The following PRAMEF15 variants were observed in gnomAD, a reference collection of about 807,000 sequenced individuals.
The protein encoded by PRAMEF15 is PRAME family member 15, also known as PRAME family member 9/15.
PRAMEF15 carries 21 observed loss-of-function variants against 35.3 expected under a neutral mutation model. The observed-to-expected ratio is 0.59, with a 90% CI of 0.42 to 0.86. The LOEUF (loss-of-function observed/expected upper bound fraction) is 0.86, where lower values mean the gene tolerates loss of function less well. Among genes scored for constraint, PRAMEF15 ranks in the 40% least tolerant of loss-of-function variants. The pLI, the probability that PRAMEF15 is intolerant of heterozygous loss-of-function variation, is 0.00. For synonymous variants in PRAMEF15, 122 were observed against 223.3 expected (o/e 0.55, Z 4.05); for missense variants, 360 against 574.1 (o/e 0.63, Z 3.81).
intron 1 of PRAMEF15, among the ~76,000 whole-genome samples, chr1:13,317,411 A>C (rs1640019911): frequency 6.6e-6 from 1 of 151,840 alleles, no homozygotes; most frequent in Non-Finnish European, 1.5e-5. Context: ...AGTGCATTGG[A>C]AACATCTATC....
chr1:13,322,179 A>G lies in PRAMEF15; in HGVS notation c.1352A>G (p.Lys451Arg). The G allele has an allele frequency of 6.2e-7, 1 of 1,608,870 alleles. No individual in the cohort carries two copies. The highest frequency in any genetic ancestry group is 8.5e-7 in the Non-Finnish European group (1 of 1,179,210). Residue 451 changes from lysine (K) to arginine (R), a missense_variant, in exon 4 of 4, where the codon AAG becomes AGG. Around this residue, in one of 8 missense-constraint regions of PRAMEF15, gnomAD observed 147 missense variants for 123.5 expected, o/e 1.19. Coordinates refer to ENST00000376152, the MANE Select transcript of PRAMEF15 (RefSeq NM_001098376.3). ...MNRVRDLRHP[K>R]RILFCTDYCP... Reference sequence around the variant, plus strand: ...AGAGTGAGGGACTTAAGGCACCCCAAGAGGATCTTGTTCTGTACTGACTAC... The same window carrying G: ...AGAGTGAGGGACTTAAGGCACCCCAGGAGGATCTTGTTCTGTACTGACTAC...
chr1:13,317,358 C>A (rs1640019063), intron 1 of PRAMEF15, among the ~76,000 whole-genome samples: 1 of 151,818 alleles, frequency 6.6e-6, no homozygotes, highest in Non-Finnish European at 1.5e-5. Flanking sequence ...GTGTGAGTCA[C>A]TGCACCCAGC....
chr1:13,319,231 G>C, intron 2 of PRAMEF15, 141 bp from the exon 3 acceptor site: 1 of 1,432,100 alleles, frequency 7.0e-7, no homozygotes, highest in Non-Finnish European at 9.4e-7. Context: ...GAAGTGGGCA[G>C]GATCCAAGGG....
At chr1:13,320,633 A>G (rs1640071895) in intron 3 of PRAMEF15, among the ~76,000 whole-genome samples, 1 of 152,016 alleles carries the variant, frequency 6.6e-6, no homozygotes, top group African/African-American at 2.4e-5. Flanking sequence ...CATGTTGGCC[A>G]GGTTATTCTC....
chr1:13,321,287 T>A (rs1225047202), intron 3 of PRAMEF15, among the ~76,000 whole-genome samples: 6 of 149,124 alleles, frequency 4.0e-5, no homozygotes, highest in Non-Finnish European at 5.9e-5. Flanking sequence ...TGATCTCTGC[T>A]CACTGCAACC....
chr1:13,319,011 A>G (rs1640043810), intron 2 of PRAMEF15, among the ~76,000 whole-genome samples: 1 of 151,966 alleles, frequency 6.6e-6, no homozygotes, highest in Non-Finnish European at 1.5e-5. Flanking sequence ...CCTGTCCAAC[A>G]TGGTAAACCC....
In PRAMEF15 at chr1:13,316,421, C is replaced by G. The variant is rs1479370230; in HGVS notation, c.-17+763C>G. 4.0e-5 allele frequency among the ~76,000 whole-genome samples: 6 copies of G among 151,698 alleles called. 2 individuals carry two copies. Among genetic ancestry groups the G allele is most frequent in the African/African-American group, 9.7e-5 (4 of 41,042 alleles). Reference sequence around the variant, plus strand: ...CCAGCCTGGGCAAAAGAGAGACACTCTGTCCAAAAACAAAAACAAAATCAA... The same window carrying G: ...CCAGCCTGGGCAAAAGAGAGACACTGTGTCCAAAAACAAAAACAAAATCAA... On this transcript the variant is annotated intron_variant, in intron 1 of 3. Transcript: ENST00000376152.
intron 2 of PRAMEF15, 81 bp from the exon 3 acceptor site, chr1:13,319,291 G>A (rs1640049092): frequency 3.1e-6 from 5 of 1,591,668 alleles, no homozygotes; most frequent in Non-Finnish European, 3.4e-6. Context: ...GCAGGGAGGG[G>A]AGGAGCTGCT....
chr1:13,321,960 G>C lies in PRAMEF15; in HGVS notation c.1133G>C (p.Arg378Pro), dbSNP rs1310270168. Reference sequence around the variant, plus strand: ...AACGCCATCCTGCCTGCCCTGAGCCGCTGCTTTGAGCTCAACACCTTCAGC... The same window carrying C: ...AACGCCATCCTGCCTGCCCTGAGCCCCTGCTTTGAGCTCAACACCTTCAGC... Reference protein sequence around the residue: ...QVNAILPALSRCFELNTFSFC... With the variant: ...QVNAILPALSPCFELNTFSFC... The change falls in exon 4 of 4, where the codon CGC (arginine) becomes CCC (proline). Residue 378 changes from arginine to proline, a missense_variant. Arg to Pro is a moderately radical substitution (Grantham distance 103, BLOSUM62 -2). Around this residue, in one of 8 missense-constraint regions of PRAMEF15, gnomAD observed 147 missense variants for 123.5 expected, o/e 1.19. Coordinates refer to ENST00000376152, the MANE Select transcript of PRAMEF15 (RefSeq NM_001098376.3). The C allele has an allele frequency of 2.5e-6, 4 of 1,610,748 alleles. No individual in the cohort carries two copies. In the South Asian group the frequency reaches 4.4e-5, roughly 18 times the overall value.
At chr1:13,317,223 C>T (rs1640016457) in intron 1 of PRAMEF15, among the ~76,000 whole-genome samples, 1 of 151,700 alleles carries the variant, frequency 6.6e-6, no homozygotes, top group Non-Finnish European at 1.5e-5. Flanking sequence ...GCGCAGACCA[C>T]TGCACCTGGC....
rs1640002650 is a variant in PRAMEF15 at position 13,316,370 on chromosome 1, A to T, written c.-17+712A>T. 2.0e-5 allele frequency among the ~76,000 whole-genome samples: 3 copies of T among 151,736 alleles called. No homozygotes were observed. In the East Asian group the frequency reaches 5.8e-4, roughly 29 times the overall value. On this transcript the variant is annotated intron_variant, in intron 1 of 3. Transcript: ENST00000376152. ...AGCACAGAAGATTGAGGCTGCAGTG[A>T]GCCATGCTCATACCACTGCTGTACT...
chr1:13,317,680 G>A (rs1288309553), intron 1 of PRAMEF15, among the ~76,000 whole-genome samples: 1 of 151,698 alleles, frequency 6.6e-6, no homozygotes, highest in African/African-American at 2.4e-5. Context: ...GGGAGGCTGA[G>A]GAGGAAGAAT....
chr1:13,321,123 A>G (rs1640078405), intron 3 of PRAMEF15, among the ~76,000 whole-genome samples: 1 of 151,720 alleles, frequency 6.6e-6, no homozygotes, highest in Non-Finnish European at 1.5e-5. Flanking sequence ...TCTGCCTGAC[A>G]GATGAGGAAA....
rs1356498458 is a variant in PRAMEF15 at position 13,322,127 on chromosome 1, G to A, written c.1300G>A (p.Ala434Thr). Residue 434 changes from alanine (A) to threonine (T), a missense_variant, in exon 4 of 4, where the codon GCT becomes ACT. By Grantham distance (58) the Ala-to-Thr change is moderately conservative (BLOSUM62 0). Around this residue, in one of 8 missense-constraint regions of PRAMEF15, gnomAD observed 147 missense variants for 123.5 expected, o/e 1.19. Transcript: ENST00000376152. ...TGGTACTCTCTGCTGGAGCAGATTT[G>A]CTCAAATTAGGGCTGAGCTGATGAA... is the stretch of plus-strand genomic sequence containing the variant. ...ADGTLCWSRF[A>T]QIRAELMNRV... 3.1e-6 allele frequency: 5 copies of A among 1,609,392 alleles called. No homozygotes were observed. Among genetic ancestry groups the A allele is most frequent in the Admixed American group, 1.7e-5 (1 of 59,592 alleles).
At chr1:13,318,958 A>ATGTGGTGGCTCAGC (rs1553123378) in intron 2 of PRAMEF15, among the ~76,000 whole-genome samples, 1 of 151,288 alleles carries the variant, frequency 6.6e-6, no homozygotes, top group Non-Finnish European at 1.5e-5. Flanking sequence ...TCACAATGTA[A>ATGTGGTGGCTCAGC]TCCCAGCACA....
intron 1 of PRAMEF15, among the ~76,000 whole-genome samples, chr1:13,317,683 G>C (rs1640024063): frequency 6.6e-6 from 1 of 151,658 alleles, no homozygotes; most frequent in Admixed American, 6.6e-5. Flanking sequence ...AGGCTGAGGA[G>C]GAAGAATCCT....
At chr1:13,317,689 A>C (rs1456558918) in intron 1 of PRAMEF15, among the ~76,000 whole-genome samples, 1 of 151,634 alleles carries the variant, frequency 6.6e-6, no homozygotes, top group Non-Finnish European at 1.5e-5. Context: ...AGGAGGAAGA[A>C]TCCTTTGAGC....
At chr1:13,321,391 T>A (rs1640081595) in intron 3 of PRAMEF15, among the ~76,000 whole-genome samples, 1 of 151,398 alleles carries the variant, frequency 6.6e-6, no homozygotes, top group East Asian at 1.9e-4. Context: ...ATTTTTGGAT[T>A]TTTAGTAGAG....
chr1:13,319,967 G>C lies in PRAMEF15; in HGVS notation c.875+14G>C, dbSNP rs1420263715. 71 of 1,611,170 alleles carry C rather than the reference G, an allele frequency of 4.4e-5. No individual in the cohort carries two copies. The highest frequency in any genetic ancestry group is 5.4e-5 in the Non-Finnish European group (64 of 1,179,846). On this transcript the variant is annotated intron_variant, in intron 3 of 3. Transcript: ENST00000376152. ...CCAGCTGCTCAGGTGAGGGAGGATGGTGAGCTTTCTCTGCAGACCACAGCA... is the reference window on the plus strand; with the variant it reads ...CCAGCTGCTCAGGTGAGGGAGGATGCTGAGCTTTCTCTGCAGACCACAGCA...
Sources: allele counts gnomAD v4.1 joint callset (sites outside exome capture counted in the v4.1 genomes callset), GRCh38; gene constraint gnomAD v4.1.1; regional missense constraint gnomAD v4.1.1; transcripts MANE v1.5; gene names NCBI Gene and HGNC (gene_info 2026-07-23, HGNC 2026-07-21).